The following RAB3C variants were observed in gnomAD, a reference collection of about 807,000 sequenced individuals.
RAB3C encodes RAB3C, member RAS oncogene family.
RAB3C carries 17 observed loss-of-function variants against 26.4 expected under a neutral mutation model. That is an observed-to-expected ratio of 0.64 (90% confidence interval 0.44 to 0.97). The LOEUF (loss-of-function observed/expected upper bound fraction) is 0.97. Ranked by LOEUF, RAB3C falls within the 50% of genes least tolerant of loss-of-function variation. The probability of loss-of-function intolerance (pLI) is 0.00; values close to 1 mark genes in which losing one functional copy is unlikely to be tolerated. For synonymous variants in RAB3C, 91 were observed against 95.9 expected, an observed-to-expected ratio of 0.95 and a Z score of 0.30; for missense variants, 242 against 281.9, an observed-to-expected ratio of 0.86 and a Z score of 1.01.
intron 3 of RAB3C, among the ~76,000 whole-genome samples, chr5:58,754,241 T>C (rs1741596681): frequency 6.6e-6 from 1 of 152,194 alleles, no homozygotes; most frequent in Admixed American, 6.5e-5. Flanking sequence ...ATTATTATAC[T>C]GCCTATGTCA....
chr5:58,831,282 C>A (rs1344661251), intron 4 of RAB3C, among the ~76,000 whole-genome samples: 1 of 152,030 alleles, frequency 6.6e-6, no homozygotes, highest in Non-Finnish European at 1.5e-5. Context: ...CCTTGGACCC[C>A]ACAATCTTTC....
intron 1 of RAB3C, among the ~76,000 whole-genome samples, chr5:58,597,228 A>T (rs796497284): frequency 0.045 from 24 of 536 alleles, no homozygotes; most frequent in African/African-American, 0.19. Context: ...TATATAATAT[A>T]TACTACACAA....
At position 58,851,337 on chromosome 5, in the gene RAB3C, A is replaced by G; in HGVS notation, c.670A>G (p.Asn224Asp). The G allele has an allele frequency of 1.9e-6, 3 of 1,604,586 alleles. No homozygotes were observed. The highest frequency in any genetic ancestry group is 2.6e-6 in the Non-Finnish European group (3 of 1,176,468). ...GGAAACTCCTCCTCCACCGCAGCCC[A>G]ACTGTGCCTGCTAGTGTCCCCGTGC... ...LKETPPPPQP[N>D]CAC Residue 224 changes from asparagine (N) to aspartate (D), a missense_variant, in exon 5 of 5, where the codon AAC becomes GAC. Coordinates refer to ENST00000282878, the MANE Select transcript of RAB3C (RefSeq NM_138453.4).
At chr5:58,668,591 T>C (rs17346727) in intron 2 of RAB3C, among the ~76,000 whole-genome samples, 17,571 of 152,096 alleles carry the variant, frequency 0.12, 1,061 homozygotes, top group Middle Eastern at 0.21. Flanking sequence ...ATTAGGTATA[T>C]TTGAGGCATA....
At chr5:58,794,082 G>T (rs1742589428) in intron 3 of RAB3C, among the ~76,000 whole-genome samples, 1 of 152,198 alleles carries the variant, frequency 6.6e-6, no homozygotes, top group African/African-American at 2.4e-5. Context: ...TCTCAGCAGG[G>T]TGTATATTAA....
At chr5:58,687,246 C>T (rs1397042468) in intron 2 of RAB3C, among the ~76,000 whole-genome samples, 4 of 152,068 alleles carry the variant, frequency 2.6e-5, no homozygotes, top group African/African-American at 9.7e-5. Context: ...TGCATCTATT[C>T]CCCAAATCAT....
At position 58,855,134 on chromosome 5, in the gene RAB3C, G is replaced by A. The variant is rs1029536957; in HGVS notation, c.*3783G>A. 2.2e-4 allele frequency: 33 copies of A among 152,160 alleles called. No homozygotes were observed. The highest frequency in any genetic ancestry group is 7.5e-4 in the African/African-American group (31 of 41,438). The allele number at this position is 152,160 out of a possible 1,614,324, so 9.4% of individuals were successfully genotyped here. A position where few individuals can be genotyped will look rare whatever the true frequency, so the allele number is the denominator to read the frequency against. ...AACATGTATCTTAGTGCATGGTTGA[G>A]GATGTACTATGTGATATTTTAGTTA... On this transcript the variant is annotated 3_prime_UTR_variant, in exon 5 of 5. Coordinates refer to ENST00000282878, the MANE Select transcript of RAB3C (RefSeq NM_138453.4).
At chr5:58,817,501 CTGTTTCT>C (rs374480275) in intron 3 of RAB3C, among the ~76,000 whole-genome samples, 243 of 152,084 alleles carry the variant, frequency 1.6e-3, no homozygotes, top group African/African-American at 5.8e-3. Context: ...TATTATGTTC[CTGTTTCT>C]GGTTTCTTAG....
intron 3 of RAB3C, among the ~76,000 whole-genome samples, chr5:58,803,125 G>A (rs1033932853): frequency 6.6e-6 from 1 of 152,144 alleles, no homozygotes; most frequent in African/African-American, 2.4e-5. Context: ...TCTGGCTGGT[G>A]ACCATGCCCC....
At chr5:58,744,490 G>A (rs1741350135) in intron 3 of RAB3C, among the ~76,000 whole-genome samples, 1 of 152,164 alleles carries the variant, frequency 6.6e-6, no homozygotes, top group Admixed American at 6.5e-5. Flanking sequence ...TTCAGTCTAG[G>A]ACACCTTCTC....
At chr5:58,623,758 CAT>C (rs1265682583) in intron 2 of RAB3C, among the ~76,000 whole-genome samples, 1 of 152,134 alleles carries the variant, frequency 6.6e-6, no homozygotes, top group South Asian at 2.1e-4. Flanking sequence ...GGAAAACAAA[CAT>C]AGAAGAAAGG....
chr5:58,692,933 C>A (rs1423893331), intron 2 of RAB3C, among the ~76,000 whole-genome samples: 3 of 151,656 alleles, frequency 2.0e-5, no homozygotes, highest in Non-Finnish European at 4.4e-5. Flanking sequence ...CATGGAGAAA[C>A]CCCTTCTCTA....
chr5:58,740,999 G>T (rs1306530233), intron 3 of RAB3C, among the ~76,000 whole-genome samples: 1 of 152,086 alleles, frequency 6.6e-6, no homozygotes, highest in South Asian at 2.1e-4. Context: ...CAAATTTGGG[G>T]TTTTCTGTGA....
chr5:58,753,705 T>C (rs1461204480), intron 3 of RAB3C, among the ~76,000 whole-genome samples: 1 of 152,006 alleles, frequency 6.6e-6, no homozygotes, highest in East Asian at 1.9e-4. Flanking sequence ...CAAAGGCAAG[T>C]AGCATGGGAG....
At chr5:58,631,769 A>G (rs536194923) in intron 2 of RAB3C, among the ~76,000 whole-genome samples, 4 of 152,346 alleles carry the variant, frequency 2.6e-5, no homozygotes, top group African/African-American at 9.6e-5. Context: ...TTGCAAAGCA[A>G]TTAACCTTCA....
intron 2 of RAB3C, among the ~76,000 whole-genome samples, chr5:58,656,748 G>T (rs979151348): frequency 1.3e-5 from 2 of 152,134 alleles, no homozygotes; most frequent in African/African-American, 4.8e-5. Context: ...GTGACTGTGG[G>T]AGTCCCTTTA....
chr5:58,751,696 T>C (rs952898683), intron 3 of RAB3C, among the ~76,000 whole-genome samples: 7 of 152,252 alleles, frequency 4.6e-5, no homozygotes, highest in Admixed American at 6.5e-5. Flanking sequence ...CTTCTAGTCA[T>C]GTTAGTCATA....
rs112809700 is a variant in RAB3C at position 58,673,587 on chromosome 5, G to A, written c.253-52415G>A. Among the ~76,000 whole-genome samples the A allele has an allele frequency of 9.8e-3, 1,489 of 152,058 alleles. 21 individuals are homozygous for A. Among genetic ancestry groups the A allele is most frequent in the African/African-American group, 0.034 (1,417 of 41,476 alleles). ...CTAAAAAGACATCATACATTTTATA[G>A]GGTTTGACCCAAGGATTTTAAAGCA... is the stretch of plus-strand genomic sequence containing the variant. On this transcript the variant is annotated intron_variant, in intron 2 of 4. Coordinates refer to ENST00000282878, the MANE Select transcript of RAB3C (RefSeq NM_138453.4).
At chr5:58,653,980 A>G (rs1334745438) in intron 2 of RAB3C, among the ~76,000 whole-genome samples, 1 of 152,090 alleles carries the variant, frequency 6.6e-6, no homozygotes, top group African/African-American at 2.4e-5. Context: ...TTTTACATTA[A>G]ATAACCCCAG....
Sources: allele counts gnomAD v4.1 joint callset (sites outside exome capture counted in the v4.1 genomes callset), GRCh38; gene constraint gnomAD v4.1.1; transcripts MANE v1.5; gene names NCBI Gene and HGNC (gene_info 2026-07-23, HGNC 2026-07-21).